The following LUC7L3 variants were observed in gnomAD, a reference collection of about 807,000 sequenced individuals.
The protein encoded by LUC7L3 is LUC7 like 3 pre-mRNA splicing factor, also known as luc7-like protein 3.
In LUC7L3, 6 loss-of-function variants were observed where a neutral mutation model predicts 66.8. The observed-to-expected ratio is 0.09, with a 90% confidence interval of 0.05 to 0.18. The LOEUF is 0.18. LUC7L3 is among the 10% of genes least tolerant of loss of function. The pLI is 1.00. For missense variants in LUC7L3, 341 were observed against 531.1 expected (o/e 0.64, Z 3.52); for synonymous variants, 160 against 174.7 (o/e 0.92, Z 0.66).
chr17:50,737,231 A>G (rs1224265210), intron 2 of LUC7L3: 2 of 653,732 alleles, frequency 3.1e-6, no homozygotes, highest in Middle Eastern at 2.5e-4. Flanking sequence ...TTAAACATAC[A>G]TGTCTATTTC....
At chr17:50,739,196 G>A (rs1439214170) in intron 2 of LUC7L3, among the ~76,000 whole-genome samples, 1 of 152,116 alleles carries the variant, frequency 6.6e-6, no homozygotes, top group Non-Finnish European at 1.5e-5. Flanking sequence ...AATTCATCAG[G>A]ACAATAATTC....
chr17:50,746,410 C>T (rs1970670039), intron 8 of LUC7L3, 132 bp from the exon 9 acceptor site: 3 of 803,522 alleles, frequency 3.7e-6, no homozygotes. Context: ...ATTTTTAGTT[C>T]TTAAGATTTC....
chr17:50,746,790 C>T, intron 9 of LUC7L3, 88 bp downstream of exon 9: 2 of 1,094,218 alleles, frequency 1.8e-6, no homozygotes, highest in Non-Finnish European at 2.6e-6. Context: ...GGCAAAGATC[C>T]ATTTCATACA....
At chr17:50,729,407 G>C (rs1969415687) in intron 1 of LUC7L3, among the ~76,000 whole-genome samples, 1 of 152,128 alleles carries the variant, frequency 6.6e-6, no homozygotes, top group South Asian at 2.1e-4. Context: ...ATGCTTTACA[G>C]ACTTTTATTT....
intron 2 of LUC7L3, chr17:50,738,087 C>A: frequency 2.3e-6 from 1 of 432,404 alleles, no homozygotes. Flanking sequence ...ATTGGTGGGG[C>A]TCTCCTCTGC....
chr17:50,728,885 C>T (rs192835243), intron 1 of LUC7L3, among the ~76,000 whole-genome samples: 48 of 127,330 alleles, frequency 3.8e-4, no homozygotes, highest in African/African-American at 1.4e-3. Flanking sequence ...ATAAAATTTC[C>T]AGGTATTCCT....
At chr17:50,740,135 A>T in intron 2 of LUC7L3, 171 bp from the exon 3 acceptor site, 2 of 565,740 alleles carry the variant, frequency 3.5e-6, no homozygotes, top group South Asian at 4.7e-5. Context: ...TTTATATCCT[A>T]TTTGGTTATG....
chr17:50,721,645 C>A (rs570706381), intron 1 of LUC7L3, among the ~76,000 whole-genome samples: 138 of 152,282 alleles, frequency 9.1e-4, no homozygotes, highest in African/African-American at 3.1e-3. Flanking sequence ...AGCACATGGT[C>A]TCATCTAAAT....
chr17:50,746,699 A>G lies in LUC7L3; in HGVS notation c.1135A>G (p.Lys379Glu). Residue 379 changes from lysine to glutamate, a missense_variant, in exon 9 of 10, where the codon AAA (lysine) becomes GAA (glutamate). Lys to Glu is a moderately conservative substitution (Grantham distance 56). Coordinates refer to ENST00000505658, the MANE Select transcript of LUC7L3 (RefSeq NM_016424.5). ...DREQDRKSKE[K>E]EKRGSDDKKS... ...AGAACAAGATAGAAAATCCAAGGAG[A>G]AAGGTTAGTTTATATGAGAATTCAG... The G allele has an allele frequency of 6.2e-7, 1 of 1,612,712 alleles. No individual in the cohort carries two copies. Among genetic ancestry groups the G allele is most frequent in the South Asian group, 1.1e-5 (1 of 90,742 alleles).
chr17:50,747,222 TTTTC>T (rs1178195989), intron 9 of LUC7L3, among the ~76,000 whole-genome samples: 1 of 125,716 alleles, frequency 8.0e-6, no homozygotes, highest in Non-Finnish European at 1.6e-5. Flanking sequence ...ACTTTTTCTT[TTTTC>T]TTTTTCTTTT....
intron 1 of LUC7L3, among the ~76,000 whole-genome samples, chr17:50,727,587 A>T (rs566198455): frequency 6.6e-6 from 1 of 152,154 alleles, no homozygotes; most frequent in African/African-American, 2.4e-5. Context: ...CCAGATTGGG[A>T]TGGATACTCA....
chr17:50,736,676 G>T, intron 1 of LUC7L3: 1 of 326,324 alleles, frequency 3.1e-6, no homozygotes, highest in East Asian at 6.6e-5. Flanking sequence ...CTTTATTTTG[G>T]GATGTCTTTC....
At chr17:50,729,123 A>C (rs1347902417) in intron 1 of LUC7L3, among the ~76,000 whole-genome samples, 1 of 152,220 alleles carries the variant, frequency 6.6e-6, no homozygotes, top group Non-Finnish European at 1.5e-5. Flanking sequence ...AAAAAGACCC[A>C]AAACATTTCT....
chr17:50,752,861 T>A lies in LUC7L3; in HGVS notation c.*2200T>A, dbSNP rs1305755091. 2 of 152,222 alleles carry A rather than the reference T, an allele frequency of 1.3e-5. No individual in the cohort carries two copies. Among genetic ancestry groups the A allele is most frequent in the South Asian group, 4.1e-4 (2 of 4,832 alleles). The allele number at this position is 152,222 out of a possible 1,614,324, so 9.4% of individuals were successfully genotyped here. ...TCAATTTTAGGTGGTTATGAATAAA[T>A]TTGAATTTTGCTTTTAATAGCAAAG... On this transcript the variant is annotated 3_prime_UTR_variant, in exon 10 of 10. Transcript: ENST00000505658.
Position 50,719,618 on chromosome 17 carries a change from G to A in LUC7L3, c.-115G>A, listed in dbSNP as rs528009629. On this transcript the variant is annotated 5_prime_UTR_variant, in exon 1 of 10. The change creates a new upstream start codon in the 5' untranslated region. Transcript: ENST00000505658. ...CGGCCATTTTGTCTTGTCGGCTCCT[G>A]TGTGTAGGAGGGATTTCGGCCTGAG... The A allele has an allele frequency of 3.8e-5, 30 of 796,970 alleles. No individual in the cohort carries two copies. In the South Asian group the frequency reaches 4.0e-4, roughly 11 times the overall value. The allele number at this position is 796,970 out of a possible 1,614,324, so 49.4% of individuals were successfully genotyped here. A position where few individuals can be genotyped will look rare whatever the true frequency, so the allele number is the denominator to read the frequency against.
chr17:50,721,544 C>G (rs1044033899), intron 1 of LUC7L3, among the ~76,000 whole-genome samples: 1 of 152,232 alleles, frequency 6.6e-6, no homozygotes, highest in Non-Finnish European at 1.5e-5. Context: ...ACAGATTGCA[C>G]TTCACTCTAG....
At chr17:50,739,390 A>G (rs1970199733) in intron 2 of LUC7L3, among the ~76,000 whole-genome samples, 1 of 152,132 alleles carries the variant, frequency 6.6e-6, no homozygotes, top group Admixed American at 6.6e-5. Context: ...CTAGGCTCAC[A>G]CCTGTAATCC....
intron 2 of LUC7L3, among the ~76,000 whole-genome samples, chr17:50,739,611 G>A (rs554120476): frequency 3.3e-5 from 5 of 151,988 alleles, no homozygotes; most frequent in African/African-American, 7.3e-5. Flanking sequence ...CCAAAATTGC[G>A]CCGCTGCACT....
intron 1 of LUC7L3, among the ~76,000 whole-genome samples, chr17:50,720,392 C>T (rs987328234): frequency 2.0e-5 from 3 of 152,178 alleles, no homozygotes; most frequent in Non-Finnish European, 2.9e-5. Flanking sequence ...ATAGAGGCAG[C>T]TGTCAAGGTT....
Sources: gnomAD v4.1 joint callset for allele counts (sites outside exome capture counted in the v4.1 genomes callset) on GRCh38, gnomAD v4.1.1 for gene constraint, MANE v1.5 for transcripts, NCBI Gene and HGNC (gene_info 2026-07-23, HGNC 2026-07-21) for gene names.